Variants in MUSK observed in about 807,000 individuals in gnomAD.
MUSK encodes the protein muscle, skeletal receptor tyrosine-protein kinase.
In MUSK, 55 loss-of-function variants were observed where a neutral mutation model predicts 88.7. The ratio of observed to expected loss-of-function variants is 0.62; its 90% CI spans 0.50 to 0.78. The LOEUF (loss-of-function observed/expected upper bound fraction) is 0.78. Ranked by LOEUF, MUSK falls within the 30% of genes least tolerant of loss-of-function variation. The pLI, the probability that MUSK is intolerant of heterozygous loss-of-function variation, is 0.00. For synonymous variants in MUSK, 387 were observed against 391.9 expected (o/e 0.99, Z 0.15); for missense variants, 1,015 against 1,074.3 (o/e 0.94, Z 0.77).
chr9:110,800,177 C>A (rs772634108), intron 14 of MUSK, 129 bp from the exon 15 acceptor site: 2 of 832,094 alleles, frequency 2.4e-6, no homozygotes, highest in Non-Finnish European at 3.7e-6. Flanking sequence ...TATTAAAAAA[C>A]AAACATACGA....
At chr9:110,761,732 G>A (rs1471719508) in intron 7 of MUSK, among the ~76,000 whole-genome samples, 2 of 151,528 alleles carry the variant, frequency 1.3e-5, no homozygotes, top group African/African-American at 2.4e-5. Context: ...CCGCCACCTC[G>A]CCCGGCTAAT....
chr9:110,771,161 C>CTTTTTTTTTTTTTTT (rs34185224), intron 9 of MUSK, among the ~76,000 whole-genome samples: 1 of 96,434 alleles, frequency 1.0e-5, no homozygotes, highest in Non-Finnish European at 1.9e-5. Context: ...TCATTTCCTT[C>CTTTTTTTTTTTTTTT]TTTTTTTTTT....
At chr9:110,761,505 C>CTTCTTTT (rs1000468296) in intron 7 of MUSK, among the ~76,000 whole-genome samples, 5 of 150,010 alleles carry the variant, frequency 3.3e-5, no homozygotes, top group Non-Finnish European at 5.9e-5. Context: ...TCTCCTTCTC[C>CTTCTTTT]TTCTTTTTTC....
At chr9:110,708,833 TAAAG>T (rs2076633965) in intron 5 of MUSK, among the ~76,000 whole-genome samples, 1 of 152,184 alleles carries the variant, frequency 6.6e-6, no homozygotes, top group African/African-American at 2.4e-5. Context: ...AGTGCAGTGT[TAAAG>T]AAAATGTACT....
intron 3 of MUSK, among the ~76,000 whole-genome samples, chr9:110,689,522 C>T (rs12352951): frequency 0.68 from 69,947 of 102,402 alleles, 24,525 homozygotes; most frequent in African/African-American, 0.84. Context: ...TAAATATATA[C>T]AACTATATAT....
intron 7 of MUSK, among the ~76,000 whole-genome samples, chr9:110,757,204 A>T (rs1311575301): frequency 6.6e-6 from 1 of 152,164 alleles, no homozygotes; most frequent in Non-Finnish European, 1.5e-5. Flanking sequence ...TCATGCCTGT[A>T]TCCCAGCACT....
intron 1 of MUSK, among the ~76,000 whole-genome samples, chr9:110,672,259 C>T (rs2075967558): frequency 6.6e-6 from 1 of 152,084 alleles, no homozygotes; most frequent in African/African-American, 2.4e-5. Flanking sequence ...GAAATAAAAC[C>T]TGATGTCGTT....
In MUSK at chr9:110,766,457, C is replaced by A. The variant is rs371853141; in HGVS notation, c.921-1363C>A. On this transcript the variant is annotated intron_variant, in intron 8 of 14. Transcript: ENST00000374448. ...CAACAAACAAAGGGATACAGTAAAACTCATGTTGGCTAATTAGAAAAAGGC... is the reference window on the plus strand; with the variant it reads ...CAACAAACAAAGGGATACAGTAAAAATCATGTTGGCTAATTAGAAAAAGGC... Among the ~76,000 whole-genome samples, 6 of 152,206 alleles carry A rather than the reference C, an allele frequency of 3.9e-5. No homozygotes were observed. In the East Asian group the frequency reaches 1.2e-3, roughly 29 times the overall value.
At position 110,800,293 on chromosome 9, in the gene MUSK, C is replaced by A. The variant is rs779820360; in HGVS notation, c.1928-13C>A. 2.1e-5 allele frequency: 33 copies of A among 1,579,502 alleles called. No individual in the cohort carries two copies. The highest frequency in any genetic ancestry group is 1.7e-5 in the Admixed American group (1 of 58,086). The stretch of plus-strand genomic sequence containing the variant: ...AGAAACTGAGACTAACAGGGATGGT[C>A]TTTTGGTTCCAGGAGTGTGTGCTGT... On this transcript the variant is annotated splice_polypyrimidine_tract_variant and intron_variant, in intron 14 of 14. Coordinates refer to ENST00000374448, the MANE Select transcript of MUSK (RefSeq NM_005592.4).
At chr9:110,726,445 T>C (rs2076885087) in intron 5 of MUSK, among the ~76,000 whole-genome samples, 1 of 152,110 alleles carries the variant, frequency 6.6e-6, no homozygotes, top group South Asian at 2.1e-4. Context: ...AGAGTTCAAG[T>C]ATAGTCCTGT....
Position 110,694,636 on chromosome 9 carries a change from A to C in MUSK, c.359-767A>C, listed in dbSNP as rs187724828. Among the ~76,000 whole-genome samples, 28 of 152,240 alleles carry C rather than the reference A, an allele frequency of 1.8e-4. No homozygotes were observed. In the South Asian group the frequency reaches 4.6e-3, roughly 25 times the overall value. On this transcript the variant is annotated intron_variant, in intron 3 of 14. Transcript: ENST00000374448. ...TGCGAAGTCCCCCTCTGTATCTGTA[A>C]CGTAAAATTCCTAAGGACATAAATG...
intron 7 of MUSK, among the ~76,000 whole-genome samples, chr9:110,749,064 A>G (rs181656946): frequency 8.5e-5 from 13 of 152,294 alleles, no homozygotes; most frequent in African/African-American, 2.6e-4. Flanking sequence ...TAGTATAATC[A>G]TATAATATAA....
intron 5 of MUSK, among the ~76,000 whole-genome samples, chr9:110,704,582 CAATAT>C (rs142166229): frequency 0.077 from 11,760 of 152,052 alleles, 518 homozygotes; most frequent in Non-Finnish European, 0.1. Flanking sequence ...AATTCATTAT[CAATAT>C]AATATGTTCA....
At chr9:110,697,218 T>C (rs1309095495) in intron 4 of MUSK, 107 bp from the exon 5 acceptor site, 2 of 1,206,740 alleles carry the variant, frequency 1.7e-6, no homozygotes, top group Non-Finnish European at 2.4e-6. Flanking sequence ...GTCAAAGCGA[T>C]ATCTTTGATG....
intron 3 of MUSK, among the ~76,000 whole-genome samples, chr9:110,688,902 T>G (rs1413247317): frequency 1.4e-5 from 2 of 148,020 alleles, no homozygotes; most frequent in Non-Finnish European, 3.0e-5. Context: ...ACTGTTTTAT[T>G]GTTTTTTTGT....
intron 5 of MUSK, among the ~76,000 whole-genome samples, chr9:110,710,939 G>A (rs889910099): frequency 4.6e-5 from 7 of 152,248 alleles, no homozygotes; most frequent in African/African-American, 1.7e-4. Flanking sequence ...ATGAGTTCAT[G>A]TCCTTTGTAG....
chr9:110,692,102 T>C (rs2076364536), intron 3 of MUSK, among the ~76,000 whole-genome samples: 1 of 152,128 alleles, frequency 6.6e-6, no homozygotes. Flanking sequence ...TTAAGAATTA[T>C]TGCTACTCAG....
intron 5 of MUSK, among the ~76,000 whole-genome samples, chr9:110,730,636 G>A (rs923049265): frequency 2.6e-5 from 4 of 151,934 alleles, no homozygotes; most frequent in African/African-American, 9.7e-5. Flanking sequence ...ATTCATGGAG[G>A]TTAATCTGGC....
At chr9:110,695,922 G>A (rs116690976) in intron 4 of MUSK, among the ~76,000 whole-genome samples, 23 of 152,076 alleles carry the variant, frequency 1.5e-4, no homozygotes, top group African/African-American at 4.6e-4. Context: ...GACAAGGTTC[G>A]GAAGAAAAGA....
Sources: gnomAD v4.1 joint callset for allele counts (sites outside exome capture counted in the v4.1 genomes callset) on GRCh38, gnomAD v4.1.1 for gene constraint, MANE v1.5 for transcripts, NCBI Gene and HGNC (gene_info 2026-07-23, HGNC 2026-07-21) for gene names.